TEX9: variants seen among roughly 807,000 people sequenced by gnomAD.
TEX9 encodes testis expressed 9.
In TEX9, 74 loss-of-function variants were observed where a neutral mutation model predicts 59.6. The ratio of observed to expected loss-of-function variants is 1.24; its 90% confidence interval spans 1.03 to 1.51. TEX9 has a LOEUF of 1.51. TEX9 is among the 40% of genes most tolerant of loss of function. TEX9 has a pLI of 0.00. For missense variants in TEX9, 522 were observed against 447.8 expected (o/e 1.17, Z -1.49); for synonymous variants, 186 against 152.2 (o/e 1.22, Z -1.64).
At chr15:56,378,317 G>C (rs1203468102) in intron 3 of TEX9, among the ~76,000 whole-genome samples, 1 of 152,014 alleles carries the variant, frequency 6.6e-6, no homozygotes, top group East Asian at 1.9e-4. Flanking sequence ...TTAAATGTTC[G>C]ATAGAATTCG....
At chr15:56,281,083 C>T (rs2044806727) in intron 1 of TEX9, among the ~76,000 whole-genome samples, 1 of 152,140 alleles carries the variant, frequency 6.6e-6, no homozygotes, top group African/African-American at 2.4e-5. Flanking sequence ...GGTTAAATGA[C>T]ATCTGAATTA....
chr15:56,257,759 A>G (rs2044177100), intron 1 of TEX9, among the ~76,000 whole-genome samples: 1 of 152,032 alleles, frequency 6.6e-6, no homozygotes, highest in African/African-American at 2.4e-5. Flanking sequence ...CTCTGTCGAT[A>G]GTTTCTTTTG....
intron 12 of TEX9, among the ~76,000 whole-genome samples, chr15:56,439,285 G>A (rs2050779977): frequency 6.6e-6 from 1 of 152,024 alleles, no homozygotes; most frequent in African/African-American, 2.4e-5. Flanking sequence ...AATAAAGGGA[G>A]AGCCAAATTG....
chr15:56,453,805 A>C, the TEX9 span, among the ~76,000 whole-genome samples: 52,682 of 152,034 alleles, frequency 0.35, 9,727 homozygotes, highest in South Asian at 0.56. Context: ...ATCAATTAAC[A>C]GGAGTCATGA....
At chr15:56,446,848 T>G (rs781348971), downstream of TEX9, 1 of 1,603,540 alleles carries the variant, frequency 6.2e-7, no homozygotes, top group South Asian at 1.1e-5. Context: ...TACCATTTGT[T>G]CATATTTAAT....
chr15:56,337,210 C>T (rs1005108891), intron 1 of TEX9, among the ~76,000 whole-genome samples: 15 of 152,144 alleles, frequency 9.9e-5, no homozygotes, highest in Non-Finnish European at 5.9e-5. Context: ...CCCTCCTGTT[C>T]CACACATTCT....
intron 1 of TEX9, among the ~76,000 whole-genome samples, chr15:56,294,335 G>GAGA (rs1290073414): frequency 6.6e-6 from 1 of 152,116 alleles, no homozygotes; most frequent in African/African-American, 2.4e-5. Context: ...CTGCATCAGG[G>GAGA]AGAAACACTC....
chr15:56,346,381 T>A (rs939532578), intron 1 of TEX9, among the ~76,000 whole-genome samples: 1 of 152,162 alleles, frequency 6.6e-6, no homozygotes, highest in African/African-American at 2.4e-5. Context: ...TTACTAGGGA[T>A]GGGCTGAGGC....
intron 9 of TEX9, among the ~76,000 whole-genome samples, chr15:56,403,948 G>C (rs2048935394): frequency 6.6e-6 from 1 of 152,188 alleles, no homozygotes; most frequent in African/African-American, 2.4e-5. Context: ...GCTGAAACTG[G>C]ATCCCTTCCT....
chr15:56,363,634 T>A (rs1005368858), upstream of TEX9, among the ~76,000 whole-genome samples: 10 of 151,978 alleles, frequency 6.6e-5, no homozygotes, highest in African/African-American at 2.4e-4. Context: ...ATTTTTAACT[T>A]GGGTTGTCTT....
intron 12 of TEX9, among the ~76,000 whole-genome samples, chr15:56,439,810 A>G (rs1348240095): frequency 1.3e-5 from 2 of 151,912 alleles, no homozygotes; most frequent in Non-Finnish European, 2.9e-5. Flanking sequence ...TTAGGAAAAA[A>G]AAAAGGAGAA....
rs557878698 is a variant in TEX9, at chr15:56,391,095, A to C, written c.396-148A>C. On this transcript the variant is annotated intron_variant, in intron 6 of 12. Transcript: ENST00000352903. ...AGTCTCTTGTAATATAATCCTTAAA[A>C]ATATCAATTACAGATTTCATCATAA... 154 of 421,772 alleles carry C rather than the reference A, an allele frequency of 3.7e-4. 1 individual carries two copies. Among genetic ancestry groups the C allele is most frequent in the African/African-American group, 3.1e-3 (152 of 48,564 alleles). The allele number at this position is 421,772 out of a possible 1,614,324, so 26.1% of individuals were successfully genotyped here.
At chr15:56,275,977 G>C (rs2044658594) in intron 1 of TEX9, among the ~76,000 whole-genome samples, 1 of 151,920 alleles carries the variant, frequency 6.6e-6, no homozygotes, top group Non-Finnish European at 1.5e-5. Flanking sequence ...ATTGCCTTTG[G>C]CTTCCAAAAA....
chr15:56,337,214 A>G (rs542564584), intron 1 of TEX9, among the ~76,000 whole-genome samples: 86 of 152,276 alleles, frequency 5.6e-4, no homozygotes, highest in African/African-American at 1.9e-3. Flanking sequence ...CCTGTTCCAC[A>G]CATTCTATAT....
intron 12 of TEX9, chr15:56,434,007 TTATA>T (rs137878743): frequency 0.094 from 92,209 of 984,854 alleles, 5,038 homozygotes; most frequent in Non-Finnish European, 0.11. Flanking sequence ...GTCAGAAAAT[TTATA>T]TATATATTAG....
intron 1 of TEX9, among the ~76,000 whole-genome samples, chr15:56,331,026 G>C (rs1456940004): frequency 2.6e-5 from 4 of 152,168 alleles, no homozygotes; most frequent in Non-Finnish European, 2.9e-5. Context: ...TATCAGGCAA[G>C]ATGTATTTCA....
At chr15:56,380,200 G>T (rs1412802971) in intron 3 of TEX9, among the ~76,000 whole-genome samples, 1 of 151,960 alleles carries the variant, frequency 6.6e-6, no homozygotes, top group Non-Finnish European at 1.5e-5. Context: ...TTGGCTTGAG[G>T]TTACTGTGAG....
intron 12 of TEX9, chr15:56,445,569 T>C (rs2050893180): frequency 6.6e-6 from 1 of 152,038 alleles, no homozygotes; most frequent in African/African-American, 2.4e-5. Context: ...ATTATCTTCT[T>C]TGTACATGCT....
At chr15:56,266,433 G>A (rs138641098) in intron 1 of TEX9, among the ~76,000 whole-genome samples, 28 of 151,434 alleles carry the variant, frequency 1.8e-4, no homozygotes, top group African/African-American at 6.8e-4. Context: ...TCACTAACTC[G>A]TTGTTTACTT....
Sources: gnomAD v4.1 joint callset for allele counts (sites outside exome capture counted in the v4.1 genomes callset) on GRCh38, gnomAD v4.1.1 for gene constraint, MANE v1.5 for transcripts, NCBI Gene and HGNC (gene_info 2026-07-23, HGNC 2026-07-21) for gene names.